The following AKR1B15 variants were observed in gnomAD, a reference collection of about 807,000 sequenced individuals.
AKR1B15 encodes estradiol 17-beta-dehydrogenase AKR1B15.
A neutral mutation model predicts 38.5 loss-of-function variants in AKR1B15; 49 were observed. That is an observed-to-expected ratio of 1.27 (90% CI 1.01 to 1.62). The LOEUF (loss-of-function observed/expected upper bound fraction) is 1.62, where lower values mean the gene tolerates loss of function less well. AKR1B15 is among the 40% of genes most tolerant of loss of function. The probability of loss-of-function intolerance (pLI) is 0.00; values close to 1 mark genes in which losing one functional copy is unlikely to be tolerated. For synonymous variants in AKR1B15, 137 were observed against 135.5 expected (o/e 1.01, Z -0.08); for missense variants, 411 against 381.6 (o/e 1.08, Z -0.64).
chr7:134,554,366 C>CTTCAAGCCAGTAAAAA (rs1212821997), intron 1 of AKR1B15, among the ~76,000 whole-genome samples: 1 of 152,168 alleles, frequency 6.6e-6, no homozygotes, highest in African/African-American at 2.4e-5. Flanking sequence ...AGCTTCGGAT[C>CTTCAAGCCAGTAAAAA]TTCAAGCCAG....
At chr7:134,563,115 T>C (rs112250578) in intron 2 of AKR1B15, among the ~76,000 whole-genome samples, 105 of 152,190 alleles carry the variant, frequency 6.9e-4, no homozygotes, top group African/African-American at 2.5e-3. Context: ...CCAATGATAC[T>C]GTTACCCAAG....
intron 5 of AKR1B15, chr7:134,569,745 T>C (rs1562950070): frequency 2.0e-6 from 1 of 497,662 alleles, no homozygotes; most frequent in Non-Finnish European, 3.6e-6. Flanking sequence ...TCATGAACAT[T>C]TATCACTTCC....
At chr7:134,577,252 G>T (rs1794785895) in intron 10 of AKR1B15, among the ~76,000 whole-genome samples, 1 of 152,212 alleles carries the variant, frequency 6.6e-6, no homozygotes, top group African/African-American at 2.4e-5. Flanking sequence ...GCAGTGCCTG[G>T]TAAAGCCCTA....
intron 3 of AKR1B15, among the ~76,000 whole-genome samples, chr7:134,565,941 T>C (rs1794523728): frequency 6.6e-6 from 1 of 152,100 alleles, no homozygotes; most frequent in Non-Finnish European, 1.5e-5. Context: ...GGCACCACTT[T>C]GCAGATCACC....
intron 1 of AKR1B15, among the ~76,000 whole-genome samples, chr7:134,556,482 G>A (rs1009991547): frequency 1.1e-4 from 17 of 152,046 alleles, no homozygotes; most frequent in Non-Finnish European, 2.2e-4. Context: ...TCTAATTAGC[G>A]CAAGGTATAA....
At chr7:134,554,722 C>T (rs1190142623) in intron 1 of AKR1B15, among the ~76,000 whole-genome samples, 1 of 152,142 alleles carries the variant, frequency 6.6e-6, no homozygotes. Context: ...TAGTAGACAC[C>T]TTTTCTGGAT....
chr7:134,560,666 TG>T (rs1310798238), intron 2 of AKR1B15, among the ~76,000 whole-genome samples: 1 of 152,186 alleles, frequency 6.6e-6, no homozygotes, highest in Non-Finnish European at 1.5e-5. Context: ...AGAATCAAAA[TG>T]GAGTCACTAA....
In AKR1B15 at chr7:134,577,035, G is replaced by T. The variant is rs1348837644; in HGVS notation, c.898G>T (p.Glu300Ter). 3.7e-6 allele frequency: 6 copies of T among 1,613,670 alleles called. No individual in the cohort carries two copies. In the East Asian group the frequency reaches 1.3e-4, roughly 36 times the overall value. ...PKSMTPAHIV[E>*]NIQVFDFKLS... is the part of the protein sequence containing the mutation. Reference sequence around the variant, plus strand: ...GTCTATGACACCAGCACACATTGTTGAGAACATTCAGGTAAGTTTCCGGCT... The same window carrying T: ...GTCTATGACACCAGCACACATTGTTTAGAACATTCAGGTAAGTTTCCGGCT... The change falls in exon 10 of 12, where the codon GAG becomes TAG. Residue 300 changes from glutamate (E) to a stop codon, truncating the protein, a stop_gained. Transcript: ENST00000457545. LOFTEE classifies it high-confidence loss of function.
At chr7:134,575,036 C>A (rs940548199) in intron 6 of AKR1B15, among the ~76,000 whole-genome samples, 15 of 152,176 alleles carry the variant, frequency 9.9e-5, no homozygotes, top group African/African-American at 3.4e-4. Context: ...TCCCTGCTAT[C>A]ATTTGGATTC....
At chr7:134,562,428 G>A (rs748497015) in intron 2 of AKR1B15, among the ~76,000 whole-genome samples, 2 of 150,706 alleles carry the variant, frequency 1.3e-5, no homozygotes, top group Non-Finnish European at 3.0e-5. Flanking sequence ...AGTGCTGATT[G>A]GTCCATTTTA....
chr7:134,572,380 G>A (rs1247271448), intron 6 of AKR1B15, among the ~76,000 whole-genome samples: 2 of 152,140 alleles, frequency 1.3e-5, no homozygotes, highest in South Asian at 2.1e-4. Context: ...TGTAATCCCA[G>A]CACTTTGGGA....
rs780177078 is a variant in AKR1B15 at position 134,575,945 on chromosome 7, TG to T, written c.743+21del. 1 of 1,612,046 alleles carries T rather than the reference TG, an allele frequency of 6.2e-7. No homozygotes were observed. Among genetic ancestry groups the T allele is most frequent in the South Asian group, 1.1e-5 (1 of 90,668 alleles). ...AGACCTTGGTGAGGCTTCCAAGTGG[TG>T]GGTCTTTCTCTTGATAATCTTAAAA... On this transcript the variant is annotated intron_variant, in intron 8 of 11. Transcript: ENST00000457545.
At chr7:134,561,782 A>C (rs556091323) in intron 2 of AKR1B15, among the ~76,000 whole-genome samples, 2 of 152,104 alleles carry the variant, frequency 1.3e-5, no homozygotes, top group African/African-American at 2.4e-5. Context: ...GCACAGGCCT[A>C]TATCATGTTC....
chr7:134,575,617 C>T, intron 7 of AKR1B15, 75 bp downstream of exon 7: 1 of 1,596,920 alleles, frequency 6.3e-7, no homozygotes, highest in African/African-American at 1.3e-5. Flanking sequence ...ATGTTCAATG[C>T]TATGCCCTGA....
At position 134,568,316 on chromosome 7, in the gene AKR1B15, C is replaced by T. The variant is rs375980254; in HGVS notation, c.309C>T (p.Ile103=). The T allele has an allele frequency of 1.7e-5, 27 of 1,613,902 alleles. No homozygotes were observed. The highest frequency in any genetic ancestry group is 8.0e-5 in the African/African-American group (6 of 74,894). Reference sequence around the variant, plus strand: ...CTGTGATGCGGGAGGACCTGTTCATCGTCAGCAAGGTGCACATGGCGCATT... The same window carrying T: ...CTGTGATGCGGGAGGACCTGTTCATTGTCAGCAAGGTGCACATGGCGCATT... ...EKAVMREDLF[I]VSKVWPTFFE... The change falls in exon 4 of 12, where the codon ATC becomes ATT. Residue 103 remains isoleucine, a synonymous_variant. Coordinates refer to ENST00000457545, the MANE Select transcript of AKR1B15 (RefSeq NM_001080538.3).
rs1282362093 is a variant in AKR1B15, at chr7:134,577,789, A to G, written c.992+3A>G. On this transcript the variant is annotated splice_donor_region_variant and intron_variant, in intron 11 of 11. Transcript: ENST00000457545. ...TGGAGGGCCTTTGACTTCAAGGAGT[A>G]AGTGGCATGGAGTTAACTAGAAGAA... 2 of 1,613,778 alleles carry G rather than the reference A, an allele frequency of 1.2e-6. No homozygotes were observed. Among genetic ancestry groups the G allele is most frequent in the Non-Finnish European group, 8.5e-7 (1 of 1,179,848 alleles).
At chr7:134,574,610 C>G (rs1794724717) in intron 6 of AKR1B15, among the ~76,000 whole-genome samples, 3 of 152,196 alleles carry the variant, frequency 2.0e-5, no homozygotes, top group Admixed American at 1.3e-4. Flanking sequence ...ACTTTTACAT[C>G]TTGACAACTT....
At chr7:134,559,849 C>A (rs1374112089) in intron 2 of AKR1B15, among the ~76,000 whole-genome samples, 1 of 152,162 alleles carries the variant, frequency 6.6e-6, no homozygotes, top group Non-Finnish European at 1.5e-5. Flanking sequence ...GTGGCTCACG[C>A]CTGTAATCCC....
chr7:134,570,307 A>C (rs1407602067), intron 5 of AKR1B15: 1 of 151,990 alleles, frequency 6.6e-6, no homozygotes, highest in African/African-American at 2.4e-5. Flanking sequence ...CATGCCCGAA[A>C]CTTCATTAGC....
Sources: gnomAD v4.1 joint callset for allele counts (sites outside exome capture counted in the v4.1 genomes callset) on GRCh38, gnomAD v4.1.1 for gene constraint, MANE v1.5 for transcripts, NCBI Gene and HGNC (gene_info 2026-07-23, HGNC 2026-07-21) for gene names.